Variants in LARP1 observed in about 807,000 individuals in gnomAD.
The protein encoded by LARP1 is La ribonucleoprotein 1, translational regulator.
A neutral mutation model predicts 122.7 loss-of-function variants in LARP1; 36 were observed. The ratio of observed to expected loss-of-function variants is 0.29; its 90% CI spans 0.22 to 0.39. The LOEUF (loss-of-function observed/expected upper bound fraction) is 0.39, where lower values mean the gene tolerates loss of function less well. LARP1 is among the 10% of genes least tolerant of loss of function. LARP1 has a pLI of 1.00. For missense variants in LARP1, 1,040 were observed against 1,403.6 expected, an observed-to-expected ratio of 0.74 and a Z score of 4.14; for synonymous variants, 539 against 528.7, an observed-to-expected ratio of 1.02 and a Z score of -0.27.
rs796148712 is a variant in LARP1, at chr5:154,784,520, T to C, written c.437-5805T>C. Among the ~76,000 whole-genome samples the C allele has an allele frequency of 6.6e-5, 10 of 152,366 alleles. 1 individual carries two copies. The highest frequency in any genetic ancestry group is 2.4e-4 in the African/African-American group (10 of 41,586). On this transcript the variant is annotated intron_variant, in intron 1 of 18. Coordinates refer to ENST00000518297, the MANE Select transcript of LARP1 (RefSeq NM_033551.3). ...TCAGATGCCAATCTCCAGGAGATGA[T>C]ACCAGTCCCCAAATAAGCATTTGGT...
At chr5:154,694,643 G>T (rs763091882) in intron 1 of LARP1, among the ~76,000 whole-genome samples, 7 of 152,118 alleles carry the variant, frequency 4.6e-5, no homozygotes, top group African/African-American at 7.2e-5. Flanking sequence ...TTTGTGAGAC[G>T]TGTTAAGTGT....
At chr5:154,796,136 A>G (rs1242677274) in intron 8 of LARP1, among the ~76,000 whole-genome samples, 74 of 125,428 alleles carry the variant, frequency 5.9e-4, no homozygotes, top group Non-Finnish European at 8.1e-4. Context: ...TATATTTTAT[A>G]TATTTATATA....
intron 15 of LARP1, among the ~76,000 whole-genome samples, chr5:154,807,281 A>G (rs1758864262): frequency 6.6e-6 from 1 of 152,148 alleles, no homozygotes; most frequent in Non-Finnish European, 1.5e-5. Context: ...TCTATTGTGA[A>G]TGATGCTACT....
chr5:154,797,542 A>T (rs1230729961), intron 8 of LARP1, among the ~76,000 whole-genome samples: 1 of 151,686 alleles, frequency 6.6e-6, no homozygotes, highest in African/African-American at 2.4e-5. Context: ...CTGTTCTGGT[A>T]TTTTCTATTA....
intron 1 of LARP1, among the ~76,000 whole-genome samples, chr5:154,777,548 G>A (rs1349006901): frequency 6.6e-6 from 1 of 151,916 alleles, no homozygotes; most frequent in African/African-American, 2.4e-5. Flanking sequence ...TAAAAATATG[G>A]TATAAAATAT....
intron 1 of LARP1, among the ~76,000 whole-genome samples, chr5:154,738,749 A>G (rs1757054702): frequency 6.6e-6 from 1 of 151,782 alleles, no homozygotes; most frequent in Admixed American, 6.6e-5. Flanking sequence ...CAGATGTACC[A>G]TTTTACCATT....
intron 1 of LARP1, among the ~76,000 whole-genome samples, chr5:154,746,094 G>C (rs1561560717): frequency 6.6e-6 from 1 of 152,198 alleles, no homozygotes; most frequent in Non-Finnish European, 1.5e-5. Context: ...CACCGCACCT[G>C]GCCTAAACCC....
At chr5:154,775,435 A>C (rs1755791659) in intron 1 of LARP1, among the ~76,000 whole-genome samples, 1 of 150,670 alleles carries the variant, frequency 6.6e-6, no homozygotes, top group South Asian at 2.1e-4. Context: ...TCGAAGCTGC[A>C]GTGAACTGTG....
chr5:154,765,040 C>G (rs1339279722), intron 1 of LARP1, among the ~76,000 whole-genome samples: 1 of 152,168 alleles, frequency 6.6e-6, no homozygotes, highest in East Asian at 1.9e-4. Context: ...TAACTGGTCT[C>G]CTATCACTCC....
At chr5:154,701,868 CT>C (rs539221459) in intron 1 of LARP1, among the ~76,000 whole-genome samples, 33 of 152,204 alleles carry the variant, frequency 2.2e-4, no homozygotes, top group African/African-American at 7.9e-4. Flanking sequence ...TGATCCACCC[CT>C]GTCGGCCTTC....
At chr5:154,759,053 T>A (rs1013073341) in intron 1 of LARP1, among the ~76,000 whole-genome samples, 1 of 152,232 alleles carries the variant, frequency 6.6e-6, no homozygotes, top group African/African-American at 2.4e-5. Context: ...ATAGCGAATA[T>A]TCTGGGGTCA....
At chr5:154,793,446 G>T (rs938818771) in intron 4 of LARP1, 149 bp from the exon 5 acceptor site, 5 of 927,584 alleles carry the variant, frequency 5.4e-6, no homozygotes, top group Non-Finnish European at 8.4e-6. Context: ...AGATGAAAAA[G>T]AGGGCTAATG....
At chr5:154,793,450 G>A (rs1344586529) in intron 4 of LARP1, 145 bp from the exon 5 acceptor site, 1 of 957,912 alleles carries the variant, frequency 1.0e-6, no homozygotes, top group Admixed American at 2.0e-5. Context: ...GAAAAAGAGG[G>A]CTAATGTGTG....
chr5:154,808,259 C>G (rs1217028394), intron 15 of LARP1, among the ~76,000 whole-genome samples, 200 bp from the exon 16 acceptor site: 1 of 152,202 alleles, frequency 6.6e-6, no homozygotes, highest in Non-Finnish European at 1.5e-5. Flanking sequence ...AAAGTACAGG[C>G]CCAGCTCCCA....
chr5:154,706,736 A>C (rs1284382624), intron 1 of LARP1, among the ~76,000 whole-genome samples: 26 of 152,158 alleles, frequency 1.7e-4, no homozygotes, highest in Admixed American at 6.6e-5. Flanking sequence ...TGGAAAAAAA[A>C]AAAACAAAAA....
At chr5:154,790,823 T>C (rs1051032832) in intron 3 of LARP1, 113 bp downstream of exon 3, 11 of 950,078 alleles carry the variant, frequency 1.2e-5, no homozygotes, top group Middle Eastern at 2.1e-4. Context: ...TCATTCTTTC[T>C]TTTTTTTCCC....
chr5:154,722,199 G>A (rs567445853), intron 1 of LARP1, among the ~76,000 whole-genome samples: 5 of 152,206 alleles, frequency 3.3e-5, no homozygotes, highest in East Asian at 1.9e-4. Flanking sequence ...CCTAGACTCC[G>A]CATGATCTGC....
At chr5:154,713,138 C>T (rs1260490176) in intron 1 of LARP1, 1 of 1,607,292 alleles carries the variant, frequency 6.2e-7, no homozygotes, top group African/African-American at 1.3e-5. Context: ...CTGGTGAGTC[C>T]TAGCACTCTG....
chr5:154,724,542 G>A (rs150530848), intron 1 of LARP1, among the ~76,000 whole-genome samples: 18 of 152,276 alleles, frequency 1.2e-4, no homozygotes, highest in South Asian at 2.1e-4. Flanking sequence ...AGAGGCCCTG[G>A]CACTACAGAG....
Sources: allele counts gnomAD v4.1 joint callset (sites outside exome capture counted in the v4.1 genomes callset), GRCh38; gene constraint gnomAD v4.1.1; transcripts MANE v1.5; gene names NCBI Gene and HGNC (gene_info 2026-07-23, HGNC 2026-07-21).